Variants in HMCN2 observed in about 807,000 individuals in gnomAD.
HMCN2 encodes hemicentin 2.
Under a neutral mutation model 377.5 loss-of-function variants are expected in HMCN2, and 325 were observed. That is an observed-to-expected ratio of 0.86 (90% CI 0.79 to 0.94). The LOEUF is 0.94. Ranked by LOEUF, HMCN2 falls within the 40% of genes least tolerant of loss-of-function variation. The probability of loss-of-function intolerance (pLI) is 0.00; values close to 1 mark genes in which losing one functional copy is unlikely to be tolerated. For missense variants in HMCN2, 4,543 were observed against 4,725.3 expected, an observed-to-expected ratio of 0.96 and a Z score of 1.13; for synonymous variants, 2,007 against 2,046.8, an observed-to-expected ratio of 0.98 and a Z score of 0.53.
chr9:130,392,956 A>C (rs1021900008), intron 66 of HMCN2, among the ~76,000 whole-genome samples: 6 of 151,804 alleles, frequency 4.0e-5, no homozygotes, highest in Non-Finnish European at 5.9e-5. Flanking sequence ...AGATCGTGCC[A>C]CTGCACTCCA....
chr9:130,368,532 G>A, intron 44 of HMCN2, 95 bp downstream of exon 44: 2 of 683,976 alleles, frequency 2.9e-6, no homozygotes, highest in Non-Finnish European at 3.6e-6. Context: ...GGAAGTGATG[G>A]TGTGTGGTGC....
rs1047677048 is a variant in HMCN2, at chr9:130,423,996, T to C, written c.13382-780T>C. Among the ~76,000 whole-genome samples, 2 of 151,832 alleles carry C rather than the reference T, an allele frequency of 1.3e-5. No individual in the cohort carries two copies. The highest frequency in any genetic ancestry group is 6.6e-5 in the Admixed American group (1 of 15,258). On this transcript the variant is annotated intron_variant, in intron 87 of 97. Coordinates refer to ENST00000683500, the MANE Select transcript of HMCN2 (RefSeq NM_001291815.2). The surrounding 1 kb of genome is among the most constrained non-coding windows in gnomAD (Gnocchi z 5.5). ...TTTATTTCTTCTTTTTTTTTTCTTTTTGAGACTGCTTCTCGCTTTGTTGCC... is the reference window on the plus strand; with the variant it reads ...TTTATTTCTTCTTTTTTTTTTCTTTCTGAGACTGCTTCTCGCTTTGTTGCC...
In HMCN2 at chr9:130,407,647, C is replaced by G. The variant is rs1379288332; in HGVS notation, c.12630C>G (p.Val4210=). ...CCAGAGAAGACAGCGGGACCTATGT[C>G]TGCTGGGCGGAGAACAGAGTGGGCC... ...AVSREDSGTY[V]CWAENRVGRT... is the part of the protein sequence containing the mutation. Residue 4210 remains valine (V), a synonymous_variant, in exon 83 of 98, where the codon GTC becomes GTG. Coordinates refer to ENST00000683500, the MANE Select transcript of HMCN2 (RefSeq NM_001291815.2). 2.3e-6 allele frequency: 3 copies of G among 1,284,534 alleles called. No homozygotes were observed. The highest frequency in any genetic ancestry group is 2.0e-6 in the Non-Finnish European group (2 of 985,348). 79.6% of individuals were successfully genotyped at this position (1,284,534 alleles called of 1,614,324 possible). A position where few individuals can be genotyped will look rare whatever the true frequency, so the allele number is the denominator to read the frequency against.
intron 1 of HMCN2, among the ~76,000 whole-genome samples, chr9:130,283,965 A>G (rs1481713821): frequency 6.6e-6 from 1 of 152,208 alleles, no homozygotes; most frequent in Non-Finnish European, 1.5e-5. Context: ...TGGTAGGTGC[A>G]TGTGTAACGT....
chr9:130,379,325 C>A lies in HMCN2; in HGVS notation c.8289C>A (p.Gly2763=). The part of the protein sequence containing the change: ...EILSREEEAR[G]GVTEYREIVE... ...TGTCCCGGGAGGAGGAGGCCCGGGG[C>A]GGAGTCACGGAATACAGGGAGATCG... The change falls in exon 54 of 98, where the codon GGC becomes GGA. Residue 2763 remains glycine, a synonymous_variant. Transcript: ENST00000683500. 1 of 985,678 alleles carries A rather than the reference C, an allele frequency of 1.0e-6. No individual in the cohort carries two copies. Among genetic ancestry groups the A allele is most frequent in the Non-Finnish European group, 1.2e-6 (1 of 829,902 alleles). The allele number at this position is 985,678 out of a possible 1,614,324, so 61.1% of individuals were successfully genotyped here. A position where few individuals can be genotyped will look rare whatever the true frequency, so the allele number is the denominator to read the frequency against.
At chr9:130,433,261 CTGGCAGGGAGGTCTGAGTTACGCGGA>C (rs1239278951) in intron 97 of HMCN2, 61 bp from the exon 98 acceptor site, 2 of 1,076,538 alleles carry the variant, frequency 1.9e-6, no homozygotes, top group Non-Finnish European at 2.5e-6. Flanking sequence ...ACTGCAGGGG[CTGGCAGGGAGGTCTGAGTTACGCGGA>C]TGGGCCACGC....
At chr9:130,420,461 T>G (rs1010537246) in intron 86 of HMCN2, among the ~76,000 whole-genome samples, 8 of 152,078 alleles carry the variant, frequency 5.3e-5, no homozygotes, top group Non-Finnish European at 1.0e-4. Context: ...TCTGTAGGGC[T>G]ACTGGTAAAA....
At position 130,368,312 on chromosome 9, in the gene HMCN2, A is replaced by G; in HGVS notation, c.6662A>G (p.His2221Arg). 1.0e-6 allele frequency: 1 copy of G among 985,744 alleles called. No individual in the cohort carries two copies. Among genetic ancestry groups the G allele is most frequent in the Non-Finnish European group, 1.2e-6 (1 of 829,904 alleles). The allele number at this position is 985,744 out of a possible 1,614,324, so 61.1% of individuals were successfully genotyped here. A position where few individuals can be genotyped will look rare whatever the true frequency, so the allele number is the denominator to read the frequency against. ...CCCGGGGAGGGGGCTGGCCTCCAGC[A>G]CGTGTCGGCTGTGGGGAGGCTGTTG... Reference protein sequence around the residue: ...PLPGEGAGLQHVSAVGRLLYL... With the variant: ...PLPGEGAGLQRVSAVGRLLYL... Residue 2221 changes from histidine (H) to arginine (R), a missense_variant, in exon 44 of 98, where the codon CAC becomes CGC. Around this residue, in one of 5 missense-constraint regions of HMCN2, gnomAD observed 1,032 missense variants for 1,285.1 expected, o/e 0.80. Transcript: ENST00000683500.
chr9:130,265,847 C>T lies in HMCN2; in HGVS notation c.-32C>T, dbSNP rs1262455923. On this transcript the variant is annotated 5_prime_UTR_variant, in exon 1 of 98. Transcript: ENST00000683500. ...CGGCTAGCTCCGACCTGCGCCTCCA[C>T]CGCAGCACCCGCAGCCAGAGCCGCG... The T allele has an allele frequency of 6.4e-5, 21 of 328,888 alleles. No homozygotes were observed. Among genetic ancestry groups the T allele is most frequent in the South Asian group, 4.3e-4 (19 of 44,020 alleles). The allele number at this position is 328,888 out of a possible 1,614,324, so 20.4% of individuals were successfully genotyped here.
chr9:130,334,467 CCTT>C (rs1838599473), intron 22 of HMCN2, among the ~76,000 whole-genome samples: 1 of 151,572 alleles, frequency 6.6e-6, no homozygotes, highest in African/African-American at 2.4e-5. Context: ...GCAGAATCCT[CCTT>C]CTAGGAAATG....
chr9:130,295,060 G>A lies in HMCN2; in HGVS notation c.784+34G>A, dbSNP rs542066032. The A allele has an allele frequency of 7.2e-6, 3 of 415,418 alleles. No homozygotes were observed. The East Asian group carries it at 2.4e-4, about 34-fold the overall frequency. 25.7% of individuals were successfully genotyped at this position (415,418 alleles called of 1,614,324 possible). A position where few individuals can be genotyped will look rare whatever the true frequency, so the allele number is the denominator to read the frequency against. ...CACCCCGGGGCTGGCCTCCTCTTTG[G>A]CCCCAAGACTGAGGTGGAAGCCCAG... On this transcript the variant is annotated intron_variant, in intron 5 of 97. Transcript: ENST00000683500.
At chr9:130,332,998 G>C (rs1018851337) in intron 22 of HMCN2, among the ~76,000 whole-genome samples, 1 of 152,192 alleles carries the variant, frequency 6.6e-6, no homozygotes, top group African/African-American at 2.4e-5. Context: ...GAGGGCAGGA[G>C]GGCAGTATTG....
Position 130,383,544 on chromosome 9 carries a change from G to T in HMCN2, c.8774G>T (p.Cys2925Phe), listed in dbSNP as rs1841849807. Residue 2925 changes from cysteine (C) to phenylalanine (F), a missense_variant, in exon 57 of 98, where the codon TGT becomes TTT. Physicochemically the swap from Cys to Phe is radical, Grantham distance 205. This residue lies in a region of HMCN2 where 736 missense variants were observed against 773.2 expected (regional missense o/e 0.95). Transcript: ENST00000683500. ...AEVADAASYM[C>F]VAENQAGSAE... ...GTGGCCGACGCCGCCAGCTACATGT[G>T]TGTGGCCGAGAACCAGGCGGGCTCC... The T allele has an allele frequency of 2.0e-6, 2 of 986,020 alleles. No homozygotes were observed. The highest frequency in any genetic ancestry group is 3.5e-5 in the African/African-American group (2 of 57,242). 61.1% of individuals were successfully genotyped at this position (986,020 alleles called of 1,614,324 possible).
chr9:130,286,453 G>A, intron 4 of HMCN2, 143 bp downstream of exon 4: 1 of 382,758 alleles, frequency 2.6e-6, no homozygotes, highest in South Asian at 1.9e-5. Flanking sequence ...GCAGCACTGG[G>A]TGCACACCTG....
rs916709815 is a variant in HMCN2, at chr9:130,343,966, C to G, written c.3829+1530C>G. On this transcript the variant is annotated intron_variant, in intron 25 of 97. Transcript: ENST00000683500. The stretch of plus-strand genomic sequence containing the variant: ...CGTGAAGGCCCAGAGCCTGGACACC[C>G]ACTTGGTGGTGTGTGTGGTGTGTGG... Among the ~76,000 whole-genome samples the G allele has an allele frequency of 9.8e-5, 15 of 152,342 alleles. 1 individual carries two copies. The South Asian group carries it at 2.9e-3, about 29-fold the overall frequency.
At chr9:130,279,650 G>A (rs554332015) in intron 1 of HMCN2, among the ~76,000 whole-genome samples, 76 of 152,262 alleles carry the variant, frequency 5.0e-4, no homozygotes, top group African/African-American at 1.8e-3. Context: ...ACCGTGCCCG[G>A]CCCTCAACAT....
At chr9:130,289,109 TC>T (rs1835588064) in intron 4 of HMCN2, among the ~76,000 whole-genome samples, 1 of 152,100 alleles carries the variant, frequency 6.6e-6, no homozygotes, top group Non-Finnish European at 1.5e-5. Context: ...GTCCTGCAGC[TC>T]CCCCGTGCCT....
chr9:130,430,651 C>T, intron 95 of HMCN2, 47 bp downstream of exon 95: 1 of 1,491,160 alleles, frequency 6.7e-7, no homozygotes, highest in Admixed American at 2.2e-5. Flanking sequence ...GTTATGGGCT[C>T]TTGGGCCCCT....
intron 5 of HMCN2, among the ~76,000 whole-genome samples, 184 bp downstream of exon 5, chr9:130,295,210 A>G (rs1554931598): frequency 1.6e-4 from 25 of 152,084 alleles, no homozygotes. Context: ...AGGAAGCAGG[A>G]GGGCCATAGC....
Sources: gnomAD v4.1 joint callset for allele counts (sites outside exome capture counted in the v4.1 genomes callset) on GRCh38, gnomAD v4.1.1 for gene constraint, gnomAD v4.1.1 regional missense constraint, Gnocchi (gnomAD v3.1) non-coding constraint, MANE v1.5 for transcripts, NCBI Gene and HGNC (gene_info 2026-07-23, HGNC 2026-07-21) for gene names.